ANKRD55: variants seen among roughly 807,000 people sequenced by gnomAD.
ANKRD55 encodes the protein ankyrin repeat domain-containing protein 55.
ANKRD55 carries 41 observed loss-of-function variants against 60.6 expected under a neutral mutation model. The ratio of observed to expected loss-of-function variants is 0.68; its 90% CI spans 0.53 to 0.88. The LOEUF (loss-of-function observed/expected upper bound fraction) is 0.88. ANKRD55 is among the 40% of genes least tolerant of loss of function. The probability of loss-of-function intolerance (pLI) is 0.00; values close to 1 mark genes in which losing one functional copy is unlikely to be tolerated. For missense variants in ANKRD55, 732 were observed against 767.6 expected, an observed-to-expected ratio of 0.95 and a Z score of 0.55; for synonymous variants, 264 against 290.3, an observed-to-expected ratio of 0.91 and a Z score of 0.92.
intron 8 of ANKRD55, among the ~76,000 whole-genome samples, chr5:56,119,976 T>C (rs548181274): frequency 9.9e-5 from 15 of 152,058 alleles, no homozygotes; most frequent in African/African-American, 3.6e-4. Context: ...TATTTTGGTA[T>C]GTGCAGTGAG....
Position 56,116,729 on chromosome 5 carries a change from A to G in ANKRD55, c.851T>C (p.Leu284Pro). ...GTTGCTGTCCATTCCCAACTCCAGC[A>G]GTGACTGGACACATTCGGCCTTCCC... ...AAGKAECVQS[L>P]LELGMDSNLR... The change falls in exon 9 of 12, where the codon CTG (leucine) becomes CCG (proline). Residue 284 changes from leucine to proline, a missense_variant. Leu to Pro is a moderately conservative substitution (Grantham distance 98). This residue lies in a region of ANKRD55 where 597 missense variants were observed against 607.5 expected (regional missense o/e 0.98). Transcript: ENST00000341048. 1 of 1,613,978 alleles carries G rather than the reference A, an allele frequency of 6.2e-7. No homozygotes were observed. The highest frequency in any genetic ancestry group is 8.5e-7 in the Non-Finnish European group (1 of 1,179,904).
At chr5:56,147,245 T>C (rs1251570313) in intron 6 of ANKRD55, among the ~76,000 whole-genome samples, 1 of 152,132 alleles carries the variant, frequency 6.6e-6, no homozygotes, top group South Asian at 2.1e-4. Flanking sequence ...ATTGACTGAG[T>C]CCATGGTAGA....
intron 2 of ANKRD55, among the ~76,000 whole-genome samples, chr5:56,227,904 T>A (rs922177967): frequency 6.6e-6 from 1 of 152,166 alleles, no homozygotes; most frequent in Admixed American, 6.5e-5. Context: ...TCAATATGTA[T>A]CCATGTAAAG....
In ANKRD55 at chr5:56,155,545, C is replaced by T. The variant is rs1758169957; in HGVS notation, c.483+4288G>A. ...TTTCTCAGAAGGTCAGATAACAACT[C>T]GGTCTCAGTTTGGTAACTTGGAATT... is the stretch of plus-strand genomic sequence containing the variant. On this transcript the variant is annotated intron_variant, in intron 6 of 11. Transcript: ENST00000341048. Among the ~76,000 whole-genome samples the T allele has an allele frequency of 2.0e-5, 3 of 152,094 alleles. No individual in the cohort carries two copies. In the South Asian group the frequency reaches 6.2e-4, roughly 31 times the overall value.
At chr5:56,138,608 T>C (rs1354204886) in intron 7 of ANKRD55, among the ~76,000 whole-genome samples, 2 of 152,348 alleles carry the variant, frequency 1.3e-5, no homozygotes, top group Non-Finnish European at 2.9e-5. Context: ...CTTGCATAGA[T>C]GAATGGATAA....
At chr5:56,167,001 T>C (rs1013049548) in intron 5 of ANKRD55, among the ~76,000 whole-genome samples, 4 of 152,280 alleles carry the variant, frequency 2.6e-5, no homozygotes, top group African/African-American at 9.6e-5. Flanking sequence ...AATGCAGATG[T>C]ATCAAACTCT....
Position 56,232,907 on chromosome 5 carries a change from T to A in ANKRD55, c.7A>T (p.Arg3Ter). The change falls in exon 2 of 12, where the codon AGA becomes TGA. Residue 3 changes from arginine to a stop codon, truncating the protein, a stop_gained. Coordinates refer to ENST00000341048, the MANE Select transcript of ANKRD55 (RefSeq NM_024669.3). LOFTEE classifies it high-confidence loss of function. MM[R>*]QATMDFSTPS... ...GTGCTGAAATCCATGGTAGCCTGTCTCATCATTTACCATCAGAATGGCAAA... is the reference window on the plus strand; with the variant it reads ...GTGCTGAAATCCATGGTAGCCTGTCACATCATTTACCATCAGAATGGCAAA... 1 of 1,614,122 alleles carries A rather than the reference T, an allele frequency of 6.2e-7. No homozygotes were observed. The highest frequency in any genetic ancestry group is 8.5e-7 in the Non-Finnish European group (1 of 1,180,004).
chr5:56,151,272 A>T (rs969370042), intron 6 of ANKRD55, among the ~76,000 whole-genome samples: 5 of 152,228 alleles, frequency 3.3e-5, no homozygotes, highest in East Asian at 1.9e-4. Flanking sequence ...GGACATTTTT[A>T]AAAAATTCTA....
rs555965719 is a variant in ANKRD55, at chr5:56,172,123, A to G, written c.313-1320T>C. On this transcript the variant is annotated intron_variant, in intron 4 of 11. Coordinates refer to ENST00000341048, the MANE Select transcript of ANKRD55 (RefSeq NM_024669.3). ...GACAGAACGAGACTCTGTCTCAAGAAAAAAAAAAAAAAATCAAAATGTTAA... is the reference window on the plus strand; with the variant it reads ...GACAGAACGAGACTCTGTCTCAAGAGAAAAAAAAAAAAATCAAAATGTTAA... Among the ~76,000 whole-genome samples the G allele has an allele frequency of 9.3e-3, 1,013 of 108,730 alleles. 19 individuals carry two copies. The highest frequency in any genetic ancestry group is 0.058 in the African/African-American group (976 of 16,756). The allele number at this position is 108,730 out of a possible 152,430, so 71.3% of individuals were successfully genotyped here.
intron 6 of ANKRD55, among the ~76,000 whole-genome samples, chr5:56,148,487 G>A (rs766382008): frequency 1.3e-5 from 2 of 152,182 alleles, no homozygotes; most frequent in African/African-American, 4.8e-5. Flanking sequence ...GTTGACTTGG[G>A]ATCTGATTTT....
chr5:56,221,900 G>A (rs1759975000), intron 2 of ANKRD55, among the ~76,000 whole-genome samples: 1 of 152,240 alleles, frequency 6.6e-6, no homozygotes, highest in African/African-American at 2.4e-5. Context: ...GCCTGCCTCT[G>A]TAGACTCCAC....
At chr5:56,197,523 T>G (rs1471672893) in intron 2 of ANKRD55, among the ~76,000 whole-genome samples, 1 of 152,212 alleles carries the variant, frequency 6.6e-6, no homozygotes, top group African/African-American at 2.4e-5. Flanking sequence ...AAGTATTTCA[T>G]AGAGCACATA....
intron 9 of ANKRD55, among the ~76,000 whole-genome samples, chr5:56,115,706 T>C (rs1283383658): frequency 1.3e-5 from 2 of 152,160 alleles, no homozygotes; most frequent in African/African-American, 2.4e-5. Context: ...CTCATGACAA[T>C]ATTTTTGTTT....
At chr5:56,108,809 C>T (rs1160650128) in intron 10 of ANKRD55, among the ~76,000 whole-genome samples, 6 of 152,134 alleles carry the variant, frequency 3.9e-5, no homozygotes, top group South Asian at 2.1e-4. Context: ...GAGGCCGAGG[C>T]GGACGGATCA....
At chr5:56,166,158 T>TTTCTTCTTTCTTTCCTTCCTTCCTTCC (rs1554040812) in intron 5 of ANKRD55, among the ~76,000 whole-genome samples, 1 of 72,436 alleles carries the variant, frequency 1.4e-5, no homozygotes, top group African/African-American at 6.5e-5. Context: ...TTCTTTCTTC[T>TTTCTTCTTTCTTTCCTTCCTTCCTTCC]TTCCTTCCTT....
intron 2 of ANKRD55, among the ~76,000 whole-genome samples, chr5:56,197,378 A>C (rs1759251173): frequency 1.3e-5 from 2 of 152,230 alleles, no homozygotes; most frequent in African/African-American, 4.8e-5. Context: ...CAGTGTCATC[A>C]AAAAGGTCTA....
chr5:56,130,327 T>A lies in ANKRD55; in HGVS notation c.613-3221A>T, dbSNP rs76425438. 7.4e-3 allele frequency among the ~76,000 whole-genome samples: 1,127 copies of A among 152,328 alleles called. 14 individuals are homozygous for A. Among genetic ancestry groups the A allele is most frequent in the African/African-American group, 0.026 (1,086 of 41,568 alleles). On this transcript the variant is annotated intron_variant, in intron 7 of 11. Coordinates refer to ENST00000341048, the MANE Select transcript of ANKRD55 (RefSeq NM_024669.3). Reference sequence around the variant, plus strand: ...GGGAAGAAAAGTGTTCAACTCCATCTAGCTCTAGCTTTCCACATGGGAGCA... The same window carrying A: ...GGGAAGAAAAGTGTTCAACTCCATCAAGCTCTAGCTTTCCACATGGGAGCA...
At chr5:56,162,877 T>C (rs1758367115) in intron 5 of ANKRD55, among the ~76,000 whole-genome samples, 1 of 152,160 alleles carries the variant, frequency 6.6e-6, no homozygotes, top group African/African-American at 2.4e-5. Flanking sequence ...GGTTTCACTA[T>C]ATTGCCCAGG....
At chr5:56,112,511 A>AAAAAAAAAACAAAAAAAAAAAAAC (rs61268045) in intron 9 of ANKRD55, among the ~76,000 whole-genome samples, 7,185 of 81,192 alleles carry the variant, frequency 0.088, 1,768 homozygotes, top group African/African-American at 0.37. Flanking sequence ...TAGCAAAAAA[A>AAAAAAAAAACAAAAAAAAAAAAAC]AAAAAAAAAA....
Sources: gnomAD v4.1 joint callset for allele counts (sites outside exome capture counted in the v4.1 genomes callset) on GRCh38, gnomAD v4.1.1 for gene constraint, gnomAD v4.1.1 regional missense constraint, MANE v1.5 for transcripts, NCBI Gene and HGNC (gene_info 2026-07-23, HGNC 2026-07-21) for gene names.